CACNA2D3: variants seen among roughly 807,000 people sequenced by gnomAD.
CACNA2D3 encodes calcium voltage-gated channel auxiliary subunit alpha2delta 3.
Under a neutral mutation model 160.6 loss-of-function variants are expected in CACNA2D3, and 60 were observed. The observed-to-expected ratio is 0.37, with a 90% CI of 0.30 to 0.46. The LOEUF (loss-of-function observed/expected upper bound fraction) is 0.46. Among genes scored for constraint, CACNA2D3 ranks in the 20% least tolerant of loss-of-function variants. CACNA2D3 has a pLI of 1.00. For synonymous variants in CACNA2D3, 558 were observed against 492.9 expected (o/e 1.13, Z -1.75); for missense variants, 1,205 against 1,365.0 (o/e 0.88, Z 1.85).
intron 26 of CACNA2D3, among the ~76,000 whole-genome samples, chr3:54,899,185 A>G (rs968278593): frequency 1.3e-5 from 2 of 152,310 alleles, no homozygotes; most frequent in East Asian, 3.9e-4. Context: ...GGATATTGGA[A>G]CCATTGCTGG....
intron 2 of CACNA2D3, among the ~76,000 whole-genome samples, chr3:54,312,483 C>A (rs1703763574): frequency 6.6e-6 from 1 of 152,070 alleles, no homozygotes; most frequent in Admixed American, 6.6e-5. Context: ...ACTGGAGCTC[C>A]CTCTCTGGGG....
chr3:54,204,796 G>GAAA (rs57129457), intron 2 of CACNA2D3, among the ~76,000 whole-genome samples: 1 of 74,074 alleles, frequency 1.3e-5, no homozygotes, highest in Non-Finnish European at 3.0e-5. Flanking sequence ...ATGCTGTCTT[G>GAAA]AAAAAAAAAA....
At chr3:54,593,699 A>T (rs979196795) in intron 9 of CACNA2D3, among the ~76,000 whole-genome samples, 2 of 152,182 alleles carry the variant, frequency 1.3e-5, no homozygotes, top group African/African-American at 4.8e-5. Flanking sequence ...ATTTCCAGGT[A>T]TGTTTCTCCC....
intron 2 of CACNA2D3, among the ~76,000 whole-genome samples, chr3:54,205,795 C>T (rs1481488437): frequency 1.3e-5 from 2 of 152,176 alleles, no homozygotes; most frequent in South Asian, 2.1e-4. Flanking sequence ...GAAAGGGTTG[C>T]GGTGGAGGAT....
At chr3:54,463,493 A>G (rs953135956) in intron 4 of CACNA2D3, among the ~76,000 whole-genome samples, 3 of 152,034 alleles carry the variant, frequency 2.0e-5, no homozygotes, top group Non-Finnish European at 4.4e-5. Flanking sequence ...TTTTTTCTGT[A>G]AACTTCTCAT....
intron 27 of CACNA2D3, among the ~76,000 whole-genome samples, chr3:54,936,404 C>T (rs1333502319): frequency 2.0e-5 from 3 of 152,152 alleles, no homozygotes; most frequent in African/African-American, 7.2e-5. Flanking sequence ...TGAATTTGTG[C>T]TCTACATATC....
At chr3:54,229,799 A>G (rs1173598348) in intron 2 of CACNA2D3, among the ~76,000 whole-genome samples, 1 of 152,164 alleles carries the variant, frequency 6.6e-6, no homozygotes, top group Non-Finnish European at 1.5e-5. Flanking sequence ...GTCATGCACC[A>G]AATTTACTGT....
At chr3:54,773,657 A>C (rs1476008003) in intron 13 of CACNA2D3, among the ~76,000 whole-genome samples, 1 of 152,186 alleles carries the variant, frequency 6.6e-6, no homozygotes, top group Admixed American at 6.5e-5. Flanking sequence ...CTTTATTTCC[A>C]TTGAAACAGA....
Position 54,783,441 on chromosome 3 carries a change from AC to A in CACNA2D3, c.1380+19091del, listed in dbSNP as rs1702571585. On this transcript the variant is annotated intron_variant, in intron 13 of 37. Transcript: ENST00000474759. ...GCCAACATGGCGAAACCCCATCTCT[AC>A]TAAAAATACAAAAATTAGCCGGGCA... 2.6e-5 allele frequency among the ~76,000 whole-genome samples: 4 copies of A among 152,150 alleles called. No homozygotes were observed. In the South Asian group the frequency reaches 8.3e-4, roughly 32 times the overall value.
rs1388330753 is a variant in CACNA2D3, at chr3:54,631,004, C to A, written c.1053+3128C>A. The stretch of plus-strand genomic sequence containing the variant: ...ATCACCAGAGGTCCGGGGTTCGAGA[C>A]CAGCCTGACCAACATGGTGAAATCC... On this transcript the variant is annotated intron_variant, in intron 10 of 37. Transcript: ENST00000474759. Among the ~76,000 whole-genome samples the A allele has an allele frequency of 5.9e-5, 9 of 152,210 alleles. No homozygotes were observed. In the South Asian group the frequency reaches 1.9e-3, roughly 32 times the overall value.
intron 27 of CACNA2D3, among the ~76,000 whole-genome samples, chr3:54,907,419 A>C (rs1700469830): frequency 6.6e-6 from 1 of 152,190 alleles, no homozygotes; most frequent in Admixed American, 6.6e-5. Flanking sequence ...TCTTAGACCC[A>C]GATTCAGTCT....
At chr3:55,004,500 TC>T (rs1209973404) in intron 31 of CACNA2D3, among the ~76,000 whole-genome samples, 1 of 152,234 alleles carries the variant, frequency 6.6e-6, no homozygotes, top group Non-Finnish European at 1.5e-5. Context: ...AATGACTGTT[TC>T]GTCAAGTTAG....
intron 13 of CACNA2D3, chr3:54,789,767 T>G: frequency 2.1e-6 from 1 of 471,886 alleles, no homozygotes; most frequent in Non-Finnish European, 4.3e-6. Flanking sequence ...AAAATTTAGA[T>G]TTTGGATTGA....
chr3:54,183,443 G>C (rs7647646), intron 2 of CACNA2D3, among the ~76,000 whole-genome samples: 1 of 151,994 alleles, frequency 6.6e-6, no homozygotes, highest in African/African-American at 2.4e-5. Context: ...GGCAGGGTTA[G>C]ATCTGCATCC....
chr3:54,521,929 C>T (rs1405360990), intron 5 of CACNA2D3, among the ~76,000 whole-genome samples: 1 of 152,120 alleles, frequency 6.6e-6, no homozygotes, highest in African/African-American at 2.4e-5. Flanking sequence ...TATGCTAGTC[C>T]TGATTCTTAT....
At chr3:54,406,455 A>T (rs1334477619) in intron 4 of CACNA2D3, among the ~76,000 whole-genome samples, 2 of 152,214 alleles carry the variant, frequency 1.3e-5, no homozygotes, top group Non-Finnish European at 2.9e-5. Context: ...ACACATATAT[A>T]CAATGGAATA....
chr3:54,890,177 T>G (rs1559618663), intron 24 of CACNA2D3, among the ~76,000 whole-genome samples: 1 of 152,186 alleles, frequency 6.6e-6, no homozygotes, highest in Non-Finnish European at 1.5e-5. Context: ...TGGTGTTCTC[T>G]TCATACATTT....
intron 2 of CACNA2D3, among the ~76,000 whole-genome samples, chr3:54,171,049 T>C (rs1241408107): frequency 6.6e-6 from 1 of 151,066 alleles, no homozygotes; most frequent in Non-Finnish European, 1.5e-5. Context: ...TGAAGGACCT[T>C]ACACATCTGG....
intron 16 of CACNA2D3, among the ~76,000 whole-genome samples, chr3:54,839,742 C>G (rs888416270): frequency 1.3e-5 from 2 of 152,120 alleles, no homozygotes; most frequent in African/African-American, 4.8e-5. Context: ...TTTCCTGGGC[C>G]TCAGGTGGAG....
Sources: allele counts gnomAD v4.1 joint callset (sites outside exome capture counted in the v4.1 genomes callset), GRCh38; gene constraint gnomAD v4.1.1; transcripts MANE v1.5; gene names NCBI Gene and HGNC (gene_info 2026-07-23, HGNC 2026-07-21).